GABPB2: variants seen among roughly 807,000 people sequenced by gnomAD.
GABPB2 encodes GA binding protein transcription factor subunit beta 2.
GABPB2 carries 23 observed loss-of-function variants against 39.1 expected under a neutral mutation model. The ratio of observed to expected loss-of-function variants is 0.59; its 90% CI spans 0.42 to 0.83. GABPB2 has a LOEUF of 0.83. Ranked by LOEUF, GABPB2 falls within the 40% of genes least tolerant of loss-of-function variation. The pLI, the probability that GABPB2 is intolerant of heterozygous loss-of-function variation, is 0.00. For synonymous variants in GABPB2, 184 were observed against 199.3 expected, an observed-to-expected ratio of 0.92 and a Z score of 0.65; for missense variants, 467 against 541.1, an observed-to-expected ratio of 0.86 and a Z score of 1.36.
chr1:151,093,493 T>C (rs1458255810), intron 4 of GABPB2, 107 bp downstream of exon 4: 1 of 736,050 alleles, frequency 1.4e-6, no homozygotes, highest in African/African-American at 1.8e-5. Context: ...AAAGTAGCAC[T>C]TCTAATATGT....
intron 2 of GABPB2, 183 bp downstream of exon 2, chr1:151,088,480 T>A (rs1017246912): frequency 2.2e-6 from 3 of 1,341,320 alleles, no homozygotes; most frequent in African/African-American, 1.5e-5. Context: ...TTTTCCAAAT[T>A]GAGAGTCTCC....
intron 2 of GABPB2, among the ~76,000 whole-genome samples, chr1:151,089,228 C>G (rs587641454): frequency 6.6e-5 from 10 of 152,126 alleles, no homozygotes; most frequent in South Asian, 4.2e-4. Context: ...GAGAGGCCAA[C>G]AGATTATTAG....
chr1:151,071,104 G>A (rs1319999838), intron 1 of GABPB2, among the ~76,000 whole-genome samples, 170 bp downstream of exon 1: 1 of 152,134 alleles, frequency 6.6e-6, no homozygotes, highest in Non-Finnish European at 1.5e-5. Context: ...CGGGGAGGAA[G>A]GGGATGCTGT....
chr1:151,095,729 G>C (rs908372578), intron 4 of GABPB2, among the ~76,000 whole-genome samples: 1 of 152,030 alleles, frequency 6.6e-6, no homozygotes, highest in East Asian at 1.9e-4. Context: ...TAAAGGAAAA[G>C]GGCAAATTCA....
chr1:151,082,344 TAGGATTACATGCGTGAGCC>T (rs1379844104), intron 1 of GABPB2, among the ~76,000 whole-genome samples: 3 of 150,474 alleles, frequency 2.0e-5, no homozygotes, highest in South Asian at 4.2e-4. Context: ...CCCAAAGTGC[TAGGATTACATGCGTGAGCC>T]ACTGCGTCTG....
Position 151,110,005 on chromosome 1 carries a change from A to ATTTTTTTT in GABPB2, c.922+2813_922+2820dup, listed in dbSNP as rs71577269. 3.3e-3 allele frequency among the ~76,000 whole-genome samples: 198 copies of ATTTTTTTT among 60,758 alleles called. 44 individuals are homozygous for ATTTTTTTT. The highest frequency in any genetic ancestry group is 5.8e-3 in the Non-Finnish European group (166 of 28,828). 39.9% of individuals were successfully genotyped at this position (60,758 alleles called of 152,430 possible). On this transcript the variant is annotated intron_variant, in intron 7 of 8. Transcript: ENST00000368918. The stretch of plus-strand genomic sequence containing the variant: ...AATCATGTGCCACCATGCCCAGCTA[A>ATTTTTTTT]TTTTTTTTTTTTTTTTTTTTTTTTT...
At chr1:151,072,168 AG>A (rs1468982360) in intron 1 of GABPB2, among the ~76,000 whole-genome samples, 1 of 152,250 alleles carries the variant, frequency 6.6e-6, no homozygotes, top group East Asian at 1.9e-4. Flanking sequence ...AATAAACAAA[AG>A]TAATTACTCT....
At chr1:151,095,863 A>G (rs1427530019) in intron 4 of GABPB2, among the ~76,000 whole-genome samples, 6 of 151,776 alleles carry the variant, frequency 4.0e-5, no homozygotes, top group Admixed American at 6.6e-5. Context: ...GTGAAACCTC[A>G]TCTTTACTAA....
chr1:151,082,142 T>G (rs1677768678), intron 1 of GABPB2, among the ~76,000 whole-genome samples: 1 of 149,354 alleles, frequency 6.7e-6, no homozygotes, highest in African/African-American at 2.5e-5. Flanking sequence ...AGTGGTGCGA[T>G]CTCGGCTCAC....
chr1:151,079,596 A>C (rs587749154), intron 1 of GABPB2, among the ~76,000 whole-genome samples: 3 of 152,116 alleles, frequency 2.0e-5, no homozygotes, highest in African/African-American at 7.2e-5. Flanking sequence ...CTACAGTATA[A>C]AACACTGCTC....
chr1:151,109,004 T>C (rs958955331), intron 7 of GABPB2, among the ~76,000 whole-genome samples: 1 of 151,836 alleles, frequency 6.6e-6, no homozygotes, highest in Non-Finnish European at 1.5e-5. Context: ...TGGGGCAACA[T>C]AGCAAGACCC....
intron 1 of GABPB2, among the ~76,000 whole-genome samples, chr1:151,080,548 T>A (rs968418466): frequency 1.3e-4 from 19 of 144,456 alleles, no homozygotes; most frequent in East Asian, 4.1e-4. Flanking sequence ...AATAAATAAA[T>A]AAAATAAAAA....
intron 8 of GABPB2, 150 bp from the exon 9 acceptor site, chr1:151,117,807 C>A: frequency 1.2e-6 from 1 of 824,490 alleles, no homozygotes; most frequent in Non-Finnish European, 1.9e-6. Context: ...TGGTCTCGAA[C>A]TCTTGACCTC....
chr1:151,096,822 T>G (rs1342611029), intron 4 of GABPB2, among the ~76,000 whole-genome samples: 2 of 152,228 alleles, frequency 1.3e-5, no homozygotes, highest in Non-Finnish European at 2.9e-5. Flanking sequence ...TGCAGGGATC[T>G]CTTGCTAGCA....
intron 2 of GABPB2, chr1:151,088,524 T>C (rs758682106): frequency 1.4e-5 from 15 of 1,095,176 alleles, no homozygotes; most frequent in East Asian, 3.2e-5. Context: ...TAAGGTATTA[T>C]ATACTTGTGA....
At chr1:151,091,033 CA>C (rs112572180) in intron 3 of GABPB2, among the ~76,000 whole-genome samples, 79 of 144,060 alleles carry the variant, frequency 5.5e-4, no homozygotes, top group African/African-American at 7.0e-4. Flanking sequence ...AACAAAAAAA[CA>C]AAAAAAAAAA....
At chr1:151,117,325 A>C in intron 7 of GABPB2, 67 bp from the exon 8 acceptor site, 1 of 1,532,660 alleles carries the variant, frequency 6.5e-7, no homozygotes, top group Non-Finnish European at 8.9e-7. Flanking sequence ...TTCTAATTAA[A>C]AGCAAGCAAA....
rs956243036 is a variant in GABPB2, at chr1:151,093,204, G to A, written c.289G>A (p.Val97Met). 6.3e-7 allele frequency: 1 copy of A among 1,599,382 alleles called. No homozygotes were observed. Among genetic ancestry groups the A allele is most frequent in the African/African-American group, 1.3e-5 (1 of 74,206 alleles). Residue 97 changes from valine to methionine, a missense_variant, in exon 4 of 9, where the codon GTG becomes ATG. By Grantham distance (21) the Val-to-Met change is conservative. Transcript: ENST00000368918. Reference sequence around the variant, plus strand: ...TTTTCTGTGACAGAATGGTGCAGATGTGAATGCCAAGGACATGCTGAAGAT... The same window carrying A: ...TTTTCTGTGACAGAATGGTGCAGATATGAATGCCAAGGACATGCTGAAGAT... ...VELLVRNGADVNAKDMLKMTA... is the reference protein window; with the variant it reads ...VELLVRNGADMNAKDMLKMTA...
chr1:151,100,465 G>A (rs1375200006), intron 5 of GABPB2, among the ~76,000 whole-genome samples: 1 of 151,260 alleles, frequency 6.6e-6, no homozygotes, highest in African/African-American at 2.4e-5. Context: ...GTTTTTAGTA[G>A]AGATGGGGTT....
Sources: allele counts gnomAD v4.1 joint callset (sites outside exome capture counted in the v4.1 genomes callset), GRCh38; gene constraint gnomAD v4.1.1; transcripts MANE v1.5; gene names NCBI Gene and HGNC (gene_info 2026-07-23, HGNC 2026-07-21).